The following DLG2 variants were observed in gnomAD, a reference collection of about 807,000 sequenced individuals.
DLG2 encodes the protein disks large homolog 2.
Under a neutral mutation model 132.5 loss-of-function variants are expected in DLG2, and 45 were observed. The observed-to-expected ratio is 0.34, with a 90% CI of 0.27 to 0.44. The LOEUF is 0.44. Ranked by LOEUF, DLG2 falls within the 20% of genes least tolerant of loss-of-function variation. The probability of loss-of-function intolerance (pLI) is 1.00; values close to 1 mark genes in which losing one functional copy is unlikely to be tolerated. For missense variants in DLG2, 1,045 were observed against 1,196.9 expected (o/e 0.87, Z 1.87); for synonymous variants, 424 against 419.6 (o/e 1.01, Z -0.13).
At chr11:83,605,002 A>AG (rs2059115689) in intron 19 of DLG2, among the ~76,000 whole-genome samples, 1 of 144,936 alleles carries the variant, frequency 6.9e-6, no homozygotes, top group Non-Finnish European at 1.5e-5. Flanking sequence ...ACCAGTTTTC[A>AG]AAGACAGAGA....
At chr11:85,349,939 G>T (rs2083152171) in intron 3 of DLG2, among the ~76,000 whole-genome samples, 1 of 151,558 alleles carries the variant, frequency 6.6e-6, no homozygotes, top group African/African-American at 2.5e-5. Flanking sequence ...TAATGGGATT[G>T]CTAGGTCAAA....
intron 17 of DLG2, 130 bp from the exon 18 acceptor site, chr11:83,786,922 C>T (rs1594352773): frequency 4.6e-6 from 3 of 657,038 alleles, no homozygotes; most frequent in Non-Finnish European, 7.9e-6. Context: ...ATATCCTACT[C>T]AGGTGTTTGT....
At chr11:83,531,750 T>A (rs552689385) in intron 21 of DLG2, among the ~76,000 whole-genome samples, 1 of 152,164 alleles carries the variant, frequency 6.6e-6, no homozygotes, top group African/African-American at 2.4e-5. Context: ...AATTGAAATG[T>A]CCATCAACTG....
intron 6 of DLG2, among the ~76,000 whole-genome samples, chr11:85,092,643 CTTTTTT>C (rs551838341): frequency 7.6e-6 from 1 of 132,252 alleles, no homozygotes; most frequent in Admixed American, 7.7e-5. Flanking sequence ...GTACACGTGA[CTTTTTT>C]TTTTTTTTTT....
chr11:84,796,819 A>T (rs2074681213), intron 6 of DLG2, among the ~76,000 whole-genome samples: 1 of 148,558 alleles, frequency 6.7e-6, no homozygotes, highest in Non-Finnish European at 1.5e-5. Flanking sequence ...TGTTTTTATG[A>T]TTTTTTATTT....
At chr11:85,191,184 A>ACACG (rs2080538346) in intron 4 of DLG2, among the ~76,000 whole-genome samples, 1 of 151,746 alleles carries the variant, frequency 6.6e-6, no homozygotes, top group Non-Finnish European at 1.5e-5. Flanking sequence ...ACACACACAC[A>ACACG]CACACACACA....
At chr11:84,844,572 C>T (rs1012996941) in intron 6 of DLG2, among the ~76,000 whole-genome samples, 2 of 151,906 alleles carry the variant, frequency 1.3e-5, no homozygotes, top group Admixed American at 1.3e-4. Context: ...TGTCTGCTAC[C>T]TCACACTTTT....
At chr11:83,629,282 A>G (rs2063164112) in intron 19 of DLG2, among the ~76,000 whole-genome samples, 1 of 151,622 alleles carries the variant, frequency 6.6e-6, no homozygotes, top group South Asian at 2.1e-4. Context: ...ATATACACTC[A>G]AAAAATGTTT....
chr11:85,565,844 T>A (rs953369359), intron 3 of DLG2, among the ~76,000 whole-genome samples: 3 of 152,126 alleles, frequency 2.0e-5, no homozygotes, highest in African/African-American at 7.2e-5. Context: ...AATATATATA[T>A]TTTCAATTCT....
At chr11:84,606,852 C>T (rs1049901960) in intron 6 of DLG2, among the ~76,000 whole-genome samples, 2 of 152,084 alleles carry the variant, frequency 1.3e-5, no homozygotes, top group African/African-American at 4.8e-5. Context: ...ATCAATTCTG[C>T]CCCAAGACCA....
chr11:84,933,633 G>A (rs1207068355), intron 6 of DLG2, among the ~76,000 whole-genome samples: 1 of 152,082 alleles, frequency 6.6e-6, no homozygotes, highest in Non-Finnish European at 1.5e-5. Context: ...GTTGTGAATG[G>A]GAGTTCATTC....
chr11:84,620,684 G>A (rs577442688), intron 6 of DLG2, among the ~76,000 whole-genome samples: 7 of 152,126 alleles, frequency 4.6e-5, no homozygotes, highest in Non-Finnish European at 8.8e-5. Flanking sequence ...CGATATTTTT[G>A]TACTTCATAA....
At chr11:83,610,224 C>A (rs1431735326) in intron 19 of DLG2, among the ~76,000 whole-genome samples, 2 of 152,052 alleles carry the variant, frequency 1.3e-5, no homozygotes, top group Non-Finnish European at 2.9e-5. Context: ...AGGAAGGGAT[C>A]CCAGAGTTTA....
At chr11:84,682,900 T>C (rs892863176) in intron 6 of DLG2, among the ~76,000 whole-genome samples, 1 of 152,178 alleles carries the variant, frequency 6.6e-6, no homozygotes, top group African/African-American at 2.4e-5. Flanking sequence ...TGAACATGGA[T>C]TCCAATACTG....
chr11:84,521,304 T>C (rs2099299240), intron 7 of DLG2, among the ~76,000 whole-genome samples: 1 of 152,192 alleles, frequency 6.6e-6, no homozygotes, highest in Non-Finnish European at 1.5e-5. Flanking sequence ...AGTGAACCTC[T>C]GTGATCTGCT....
intron 3 of DLG2, among the ~76,000 whole-genome samples, chr11:85,588,075 T>A (rs1263429757): frequency 6.6e-6 from 1 of 152,222 alleles, no homozygotes; most frequent in African/African-American, 2.4e-5. Flanking sequence ...GCTGTTAATC[T>A]GATAGGTTTT....
At chr11:85,605,943 A>C (rs1317547867) in intron 2 of DLG2, among the ~76,000 whole-genome samples, 2 of 152,052 alleles carry the variant, frequency 1.3e-5, no homozygotes, top group Non-Finnish European at 2.9e-5. Flanking sequence ...GTGCCACTGC[A>C]CTCCAGCATG....
At chr11:84,907,047 T>C (rs2091592363) in intron 6 of DLG2, among the ~76,000 whole-genome samples, 1 of 152,128 alleles carries the variant, frequency 6.6e-6, no homozygotes, top group Non-Finnish European at 1.5e-5. Flanking sequence ...CCAAAAGGAA[T>C]GAAAGCTGAA....
chr11:84,953,626 A>T (rs1020914579), intron 6 of DLG2, among the ~76,000 whole-genome samples: 1 of 152,220 alleles, frequency 6.6e-6, no homozygotes, highest in Non-Finnish European at 1.5e-5. Flanking sequence ...GGGTAGTTGC[A>T]AATATTAAGT....
Sources: gnomAD v4.1 joint callset for allele counts (sites outside exome capture counted in the v4.1 genomes callset) on GRCh38, gnomAD v4.1.1 for gene constraint, MANE v1.5 for transcripts, NCBI Gene and HGNC (gene_info 2026-07-23, HGNC 2026-07-21) for gene names.